INPP5K: variants seen among roughly 807,000 people sequenced by gnomAD.
INPP5K encodes inositol polyphosphate-5-phosphatase K.
A neutral mutation model predicts 53.5 loss-of-function variants in INPP5K; 35 were observed. That is an observed-to-expected ratio of 0.65 (90% CI 0.50 to 0.87). The LOEUF is 0.87. Among genes scored for constraint, INPP5K ranks in the 40% least tolerant of loss-of-function variants. The pLI is 0.00. For missense variants in INPP5K, 550 were observed against 586.2 expected, an observed-to-expected ratio of 0.94 and a Z score of 0.64; for synonymous variants, 253 against 232.8, an observed-to-expected ratio of 1.09 and a Z score of -0.79.
chr17:1,499,757 C>T (rs1172977511), intron 7 of INPP5K, among the ~76,000 whole-genome samples: 1 of 152,120 alleles, frequency 6.6e-6, no homozygotes, highest in East Asian at 1.9e-4. Context: ...GTGTGTGTGG[C>T]GGGGGAGCAG....
chr17:1,508,414 G>A (rs926927513), intron 5 of INPP5K, 188 bp from the exon 6 acceptor site: 6 of 585,834 alleles, frequency 1.0e-5, no homozygotes, highest in African/African-American at 5.6e-5. Context: ...CATTCAAACC[G>A]GAGAGACCTA....
At position 1,498,004 on chromosome 17, in the gene INPP5K, C is replaced by G; in HGVS notation, c.895G>C (p.Gly299Arg). The G allele has an allele frequency of 1.9e-6, 3 of 1,614,082 alleles. No homozygotes were observed. The highest frequency in any genetic ancestry group is 1.7e-5 in the Admixed American group (1 of 60,016). The change falls in exon 8 of 12, where the codon GGC becomes CGC. Residue 299 changes from glycine (G) to arginine (R), a missense_variant. Coordinates refer to ENST00000421807, the MANE Select transcript of INPP5K (RefSeq NM_016532.4). ...PASHFSLSLR[G>R]YSSHMTYGIS... ...CCGTACGTCATGTGGCTGCTGTAGC[C>G]CCTCAGAGACAAGGAGAAGTGTGAC...
intron 7 of INPP5K, among the ~76,000 whole-genome samples, chr17:1,505,811 A>G (rs568913615): frequency 6.6e-6 from 1 of 152,238 alleles, no homozygotes; most frequent in African/African-American, 2.4e-5. Context: ...TCCAGCTAGG[A>G]GGAATGAACA....
chr17:1,503,144 C>A (rs1161602417), intron 7 of INPP5K, among the ~76,000 whole-genome samples: 1 of 151,478 alleles, frequency 6.6e-6, no homozygotes, highest in Non-Finnish European at 1.5e-5. Flanking sequence ...TCTCTGCCTC[C>A]CAAATTGCTG....
At chr17:1,502,646 C>T (rs1004762848) in intron 7 of INPP5K, among the ~76,000 whole-genome samples, 28 of 151,668 alleles carry the variant, frequency 1.8e-4, no homozygotes, top group African/African-American at 6.5e-4. Context: ...ATAGGATGGA[C>T]AAAGTCCTTG....
intron 7 of INPP5K, among the ~76,000 whole-genome samples, chr17:1,506,561 A>G (rs1451508308): frequency 6.6e-6 from 1 of 152,196 alleles, no homozygotes; most frequent in Non-Finnish European, 1.5e-5. Context: ...CTTCTCACAC[A>G]AGACCTGACC....
At chr17:1,495,993 G>A in intron 11 of INPP5K, 67 bp downstream of exon 11, 2 of 1,412,682 alleles carry the variant, frequency 1.4e-6, no homozygotes, top group South Asian at 1.2e-5. Context: ...TCCCAGGCCT[G>A]GGCCTCAGGG....
At chr17:1,498,339 A>T in intron 7 of INPP5K, 1 of 442,234 alleles carries the variant, frequency 2.3e-6, no homozygotes, top group Non-Finnish European at 4.1e-6. Context: ...CTTAGCCAGG[A>T]CCCTCTGTAT....
chr17:1,511,877 G>A (rs1598390057), intron 3 of INPP5K, among the ~76,000 whole-genome samples: 1 of 151,946 alleles, frequency 6.6e-6, no homozygotes, highest in Non-Finnish European at 1.5e-5. Flanking sequence ...GGGGCGGGGA[G>A]GGTGGGGTCG....
chr17:1,504,079 T>C lies in INPP5K; in HGVS notation c.776+2901A>G, dbSNP rs182997022. The stretch of plus-strand genomic sequence containing the variant: ...GCTTTAGCTGTTCACCTCCTTAACA[T>C]TTGCTCCAACCTTCTGCACGGAGTT... On this transcript the variant is annotated intron_variant, in intron 7 of 11. Transcript: ENST00000421807. Among the ~76,000 whole-genome samples, 19 of 152,302 alleles carry C rather than the reference T, an allele frequency of 1.2e-4. No homozygotes were observed. In the East Asian group the frequency reaches 3.5e-3, roughly 28 times the overall value.
At chr17:1,498,654 G>T (rs962160008) in intron 7 of INPP5K, among the ~76,000 whole-genome samples, 1 of 152,106 alleles carries the variant, frequency 6.6e-6, no homozygotes, top group African/African-American at 2.4e-5. Flanking sequence ...ATGCAGGCTG[G>T]AGTGCAGTGG....
intron 1 of INPP5K, chr17:1,515,639 A>G: frequency 3.1e-6 from 3 of 964,806 alleles, no homozygotes; most frequent in Non-Finnish European, 3.7e-6. Context: ...TAATGCCAAA[A>G]CATCTCTCCT....
intron 11 of INPP5K, 79 bp downstream of exon 11, chr17:1,495,981 G>A: frequency 7.0e-7 from 1 of 1,420,122 alleles, no homozygotes. Flanking sequence ...GTACCGGCTG[G>A]CTCCCAGGCC....
At position 1,509,774 on chromosome 17, in the gene INPP5K, A is replaced by T; in HGVS notation, c.287T>A (p.Ile96Asn). 3 of 1,613,110 alleles carry T rather than the reference A, an allele frequency of 1.9e-6. No homozygotes were observed. The highest frequency in any genetic ancestry group is 2.5e-6 in the Non-Finnish European group (3 of 1,179,314). ...IKVSHVRMQG[I>N]LLLVFAKYQH... ...ATACTTGGCAAAGACCAGTAAGAGG[A>T]TCCCCTGCATACGGACATGGGAGAC... is the stretch of plus-strand genomic sequence containing the variant. Residue 96 changes from isoleucine (I) to asparagine (N), a missense_variant, in exon 4 of 12, where the codon ATC (isoleucine) becomes AAC (asparagine). By Grantham distance (149) the Ile-to-Asn change is moderately radical (BLOSUM62 -3). Transcript: ENST00000421807.
chr17:1,513,767 C>T (rs1355080076), intron 2 of INPP5K, 105 bp downstream of exon 2: 5 of 988,312 alleles, frequency 5.1e-6, no homozygotes, highest in Non-Finnish European at 7.7e-6. Flanking sequence ...AGGCTGAAAG[C>T]TCCCAGCCTT....
intron 1 of INPP5K, chr17:1,516,081 G>T (rs2075427993): frequency 8.9e-7 from 1 of 1,123,640 alleles, no homozygotes. Context: ...GATTCCCGGG[G>T]TTCACCATGG....
In INPP5K at chr17:1,506,962, C is replaced by T. The variant is rs752301247; in HGVS notation, c.776+18G>A. On this transcript the variant is annotated intron_variant, in intron 7 of 11. Transcript: ENST00000421807. ...AACCTGACTTCCTAGACCTTCTGGCCCCCCACTCCCTCCTCACCTGGTGTC... is the reference window on the plus strand; with the variant it reads ...AACCTGACTTCCTAGACCTTCTGGCTCCCCACTCCCTCCTCACCTGGTGTC... 1.7e-4 allele frequency: 260 copies of T among 1,571,850 alleles called. No individual in the cohort carries two copies. Among genetic ancestry groups the T allele is most frequent in the Non-Finnish European group, 2.2e-4 (253 of 1,142,288 alleles).
chr17:1,509,711 G>T lies in INPP5K; in HGVS notation c.350C>A (p.Ser117Tyr). 4 of 1,612,266 alleles carry T rather than the reference G, an allele frequency of 2.5e-6. No individual in the cohort carries two copies. Among genetic ancestry groups the T allele is most frequent in the Non-Finnish European group, 3.4e-6 (4 of 1,178,382 alleles). ...LPYIQILSTK[S>Y]TPTGLFGYWG... ...GTACCCAAACAGGCCAGTGGGGGTG[G>T]ATTTAGTAGACAGAATCTGGATATA... The change falls in exon 4 of 12, where the codon TCC becomes TAC. Residue 117 changes from serine to tyrosine, a missense_variant. Coordinates refer to ENST00000421807, the MANE Select transcript of INPP5K (RefSeq NM_016532.4).
chr17:1,507,544 C>CTTT, intron 6 of INPP5K: 1 of 149,098 alleles, frequency 6.7e-6, no homozygotes, highest in South Asian at 2.1e-4. Flanking sequence ...TATTCTTCTT[C>CTTT]TTTTTTTTTT....
Sources: gnomAD v4.1 joint callset for allele counts (sites outside exome capture counted in the v4.1 genomes callset) on GRCh38, gnomAD v4.1.1 for gene constraint, MANE v1.5 for transcripts, NCBI Gene and HGNC (gene_info 2026-07-23, HGNC 2026-07-21) for gene names.